Variants in RBFOX1 observed in about 807,000 individuals in gnomAD.
The protein encoded by RBFOX1 is RNA binding protein fox-1 homolog 1.
A neutral mutation model predicts 57.7 loss-of-function variants in RBFOX1; 8 were observed. The observed-to-expected ratio is 0.14, with a 90% CI of 0.08 to 0.25. The LOEUF (loss-of-function observed/expected upper bound fraction) is 0.25, where lower values mean the gene tolerates loss of function less well. RBFOX1 is among the 10% of genes least tolerant of loss of function. The pLI is 1.00. For missense variants in RBFOX1, 611 were observed against 548.5 expected (o/e 1.11, Z -1.14); for synonymous variants, 326 against 222.4 (o/e 1.47, Z -4.15).
At chr16:5,657,658 TTTTCTTTC>T (rs1327763455) in intron 3 of RBFOX1, among the ~76,000 whole-genome samples, 4 of 126,146 alleles carry the variant, frequency 3.2e-5, no homozygotes, top group African/African-American at 9.1e-5. Context: ...CTTTCTTTTC[TTTTCTTTC>T]TTTCTTTTCT....
chr16:6,196,817 G>C (rs1287072723), intron 1 of RBFOX1, among the ~76,000 whole-genome samples: 1 of 145,578 alleles, frequency 6.9e-6, no homozygotes, highest in South Asian at 2.2e-4. Context: ...TTTTCTCCCT[G>C]TTTACATATG....
At chr16:5,900,759 C>G (rs2058286921) in intron 4 of RBFOX1, among the ~76,000 whole-genome samples, 1 of 152,118 alleles carries the variant, frequency 6.6e-6, no homozygotes. Flanking sequence ...GGGGATGGTG[C>G]CAGGAATGTC....
chr16:7,445,388 C>T (rs1451604517), intron 4 of RBFOX1, among the ~76,000 whole-genome samples: 2 of 152,226 alleles, frequency 1.3e-5, no homozygotes, highest in South Asian at 4.2e-4. Context: ...CCTTATGCAC[C>T]AGCTCCATTT....
chr16:7,166,972 C>CTTTTTTTTTTTTTTTTTTTTTTT lies in RBFOX1; in HGVS notation c.27+114887_27+114909dup, dbSNP rs537293692. ...AGCCCCAGATTGCTGCATTGGTGTT[C>CTTTTTTTTTTTTTTTTTTTTTTT]TTTTTTTTTTTTTTTTTTTTTTTTT... On this transcript the variant is annotated intron_variant, in intron 4 of 15. Transcript: ENST00000550418. Among the ~76,000 whole-genome samples, 29 of 49,114 alleles carry CTTTTTTTTTTTTTTTTTTTTTTT rather than the reference C, an allele frequency of 5.9e-4. 6 individuals are homozygous for CTTTTTTTTTTTTTTTTTTTTTTT. The highest frequency in any genetic ancestry group is 2.2e-3 in the South Asian group (2 of 892). The allele number at this position is 49,114 out of a possible 152,430, so 32.2% of individuals were successfully genotyped here.
At chr16:7,600,198 G>C (rs533941917) in intron 9 of RBFOX1, among the ~76,000 whole-genome samples, 56 of 152,270 alleles carry the variant, frequency 3.7e-4, no homozygotes, top group Non-Finnish European at 6.9e-4. Flanking sequence ...CTGCAAAAGG[G>C]AACTCAGAGA....
chr16:6,727,740 A>G (rs1046306514), intron 3 of RBFOX1, among the ~76,000 whole-genome samples: 1 of 152,144 alleles, frequency 6.6e-6, no homozygotes, highest in South Asian at 2.1e-4. Flanking sequence ...CTCTCCATGA[A>G]GTACCCTGCT....
intron 3 of RBFOX1, among the ~76,000 whole-genome samples, chr16:6,937,102 A>G (rs1398437738): frequency 2.0e-5 from 3 of 152,138 alleles, no homozygotes; most frequent in African/African-American, 7.2e-5. Context: ...TAATAAAAAA[A>G]TAAATAAAAA....
intron 4 of RBFOX1, among the ~76,000 whole-genome samples, chr16:5,927,102 T>G (rs191595717): frequency 1.0e-3 from 159 of 152,370 alleles, no homozygotes; most frequent in African/African-American, 3.7e-3. Context: ...TCATTTAATG[T>G]TTTAAATTGA....
intron 1 of RBFOX1, among the ~76,000 whole-genome samples, chr16:5,395,190 A>G (rs933387843): frequency 6.6e-6 from 1 of 152,192 alleles, no homozygotes; most frequent in African/African-American, 2.4e-5. Context: ...CACATCTGTC[A>G]TGACCTCACC....
intron 3 of RBFOX1, among the ~76,000 whole-genome samples, chr16:6,799,881 G>A (rs192088812): frequency 3.3e-5 from 5 of 152,246 alleles, no homozygotes; most frequent in Admixed American, 2.0e-4. Flanking sequence ...GACTCGGAGT[G>A]AGTCATTACT....
At chr16:7,324,142 C>T (rs1056942140) in intron 4 of RBFOX1, among the ~76,000 whole-genome samples, 3 of 152,240 alleles carry the variant, frequency 2.0e-5, no homozygotes, top group South Asian at 4.2e-4. Context: ...ACTCATTTGT[C>T]CGTGGTGTCC....
chr16:6,652,100 C>A (rs75336753), intron 2 of RBFOX1, among the ~76,000 whole-genome samples: 1 of 152,066 alleles, frequency 6.6e-6, no homozygotes, highest in Admixed American at 6.6e-5. Flanking sequence ...GGAGGTAATT[C>A]AGGTTAAGTG....
chr16:5,761,299 T>A (rs962564284), intron 3 of RBFOX1, among the ~76,000 whole-genome samples: 7 of 152,190 alleles, frequency 4.6e-5, no homozygotes, highest in Non-Finnish European at 4.4e-5. Context: ...GCCCCCCAAC[T>A]TTTTAAAATG....
Position 5,670,407 on chromosome 16 carries a change from A to T in RBFOX1, c.318+71446A>T, listed in dbSNP as rs550205279. Among the ~76,000 whole-genome samples the T allele has an allele frequency of 7.2e-5, 11 of 152,352 alleles. No individual in the cohort carries two copies. In the East Asian group the frequency reaches 1.9e-3, roughly 27 times the overall value. Reference sequence around the variant, plus strand: ...TCAGGATTGCTGAGTGGGCAAAATTATTCTGTAGCCCATGTCCATAGGTGC... The same window carrying T: ...TCAGGATTGCTGAGTGGGCAAAATTTTTCTGTAGCCCATGTCCATAGGTGC... On this transcript the variant is annotated intron_variant, in intron 3 of 19. Coordinates refer to the RBFOX1 transcript ENST00000641259.
chr16:7,163,705 G>A (rs2078863974), intron 4 of RBFOX1, among the ~76,000 whole-genome samples: 1 of 151,860 alleles, frequency 6.6e-6, no homozygotes, highest in South Asian at 2.1e-4. Context: ...CACCCATGCT[G>A]GAGTGCAGTG....
At chr16:7,508,949 C>G (rs1183644807) in intron 4 of RBFOX1, among the ~76,000 whole-genome samples, 2 of 152,202 alleles carry the variant, frequency 1.3e-5, no homozygotes, top group Non-Finnish European at 2.9e-5. Flanking sequence ...CCTTGACAAG[C>G]AAGAAAGACA....
intron 3 of RBFOX1, among the ~76,000 whole-genome samples, chr16:7,039,789 A>T (rs2045603168): frequency 6.6e-6 from 1 of 152,170 alleles, no homozygotes; most frequent in Non-Finnish European, 1.5e-5. Context: ...TCAGGCCTTT[A>T]TAAACTCAGG....
rs183437873 is a variant in RBFOX1 at position 6,963,469 on chromosome 16, C to G, written c.-15-88588C>G. Among the ~76,000 whole-genome samples the G allele has an allele frequency of 2.0e-5, 3 of 152,220 alleles. No homozygotes were observed. The East Asian group carries it at 5.8e-4, about 29-fold the overall frequency. On this transcript the variant is annotated intron_variant, in intron 3 of 15. Coordinates refer to ENST00000550418, the MANE Select transcript of RBFOX1 (RefSeq NM_018723.4). ...CATAAGTTATCTCATGCTGTCTGAACCACTGGTCAGTAATGAGATACATGT... is the reference window on the plus strand; with the variant it reads ...CATAAGTTATCTCATGCTGTCTGAAGCACTGGTCAGTAATGAGATACATGT...
chr16:7,244,912 G>C (rs1451737566), intron 4 of RBFOX1, among the ~76,000 whole-genome samples: 2 of 152,166 alleles, frequency 1.3e-5, no homozygotes, highest in Admixed American at 6.5e-5. Flanking sequence ...GAAGCTAATT[G>C]GTAATTGGTG....
Sources: allele counts gnomAD v4.1 joint callset (sites outside exome capture counted in the v4.1 genomes callset), GRCh38; gene constraint gnomAD v4.1.1; transcripts MANE v1.5; gene names NCBI Gene and HGNC (gene_info 2026-07-23, HGNC 2026-07-21).